The following DHX9 variants were observed in gnomAD, a reference collection of about 807,000 sequenced individuals.
The protein encoded by DHX9 is ATP-dependent RNA helicase A.
In DHX9, 27 loss-of-function variants were observed where a neutral mutation model predicts 148.7. The ratio of observed to expected loss-of-function variants is 0.18; its 90% CI spans 0.13 to 0.25. The LOEUF is 0.25. DHX9 is among the 10% of genes least tolerant of loss of function. The pLI, the probability that DHX9 is intolerant of heterozygous loss-of-function variation, is 1.00. For missense variants in DHX9, 796 were observed against 1,559.6 expected (o/e 0.51, Z 8.25); for synonymous variants, 529 against 516.6 (o/e 1.02, Z -0.33).
At chr1:182,868,875 G>A (rs1648419400) in intron 14 of DHX9, among the ~76,000 whole-genome samples, 1 of 152,086 alleles carries the variant, frequency 6.6e-6, no homozygotes, top group Admixed American at 6.5e-5. Flanking sequence ...GACTGGTTTG[G>A]ATGGCTTATG....
rs774463705 is a variant in DHX9, at chr1:182,858,649, A to G, written c.900+9A>G. The stretch of plus-strand genomic sequence containing the variant: ...TTGAGATTTTGCCCCCGGTAAGCAT[A>G]AAGCTGTTTAGTTCACATTTACGTA... On this transcript the variant is annotated intron_variant, in intron 9 of 27. Coordinates refer to ENST00000367549, the MANE Select transcript of DHX9 (RefSeq NM_001357.5). 1.9e-6 allele frequency: 3 copies of G among 1,609,102 alleles called. No homozygotes were observed. The South Asian group carries it at 3.3e-5, about 18-fold the overall frequency.
chr1:182,847,535 C>A (rs1159292107), intron 3 of DHX9, among the ~76,000 whole-genome samples: 1 of 152,134 alleles, frequency 6.6e-6, no homozygotes, highest in Non-Finnish European at 1.5e-5. Flanking sequence ...TTGGAATCTG[C>A]CCTGTACATG....
chr1:182,859,097 C>A lies in DHX9; in HGVS notation c.1120C>A (p.Gln374Lys). ...LKNELMYQLE[Q>K]DHDLQAILQE... ...GAATGAATTGATGTACCAGTTGGAA[C>A]AGGATCATGATTTGCAAGCAGTAAG... The change falls in exon 11 of 28, where the codon CAG (glutamine) becomes AAG (lysine). Residue 374 changes from glutamine to lysine, a missense_variant. By Grantham distance (53) the Gln-to-Lys change is moderately conservative (BLOSUM62 1). This residue lies in a region of DHX9 where 42 missense variants were observed against 27.1 expected (regional missense o/e 1.55). Transcript: ENST00000367549. The A allele has an allele frequency of 6.2e-7, 1 of 1,614,026 alleles. No individual in the cohort carries two copies. Among genetic ancestry groups the A allele is most frequent in the Non-Finnish European group, 8.5e-7 (1 of 1,179,960 alleles).
intron 6 of DHX9, 42 bp downstream of exon 6, chr1:182,854,220 T>C: frequency 6.5e-7 from 1 of 1,539,556 alleles, no homozygotes; most frequent in Non-Finnish European, 8.8e-7. Flanking sequence ...TAAGTTAAGG[T>C]GGTTTTGGAT....
At position 182,879,237 on chromosome 1, in the gene DHX9, T is replaced by C; in HGVS notation, c.2352-13T>C. The C allele has an allele frequency of 6.9e-7, 1 of 1,444,594 alleles. No individual in the cohort carries two copies. The highest frequency in any genetic ancestry group is 2.4e-5 in the East Asian group (1 of 41,592). The allele number at this position is 1,444,594 out of a possible 1,614,324, so 89.5% of individuals were successfully genotyped here. A position where few individuals can be genotyped will look rare whatever the true frequency, so the allele number is the denominator to read the frequency against. On this transcript the variant is annotated splice_polypyrimidine_tract_variant and intron_variant, in intron 20 of 27. Coordinates refer to ENST00000367549, the MANE Select transcript of DHX9 (RefSeq NM_001357.5). ...ACAAGGAGGATGGTTATTTTATGCT[T>C]ATTTTCTCTTAGACTTGAAACCCAC...
At chr1:182,865,550 C>G (rs188775511) in intron 12 of DHX9, among the ~76,000 whole-genome samples, 17 of 152,216 alleles carry the variant, frequency 1.1e-4, no homozygotes, top group African/African-American at 3.9e-4. Context: ...AGATAGTGAT[C>G]AGTAAGAGCT....
intron 4 of DHX9, 148 bp downstream of exon 4, chr1:182,852,492 T>C: frequency 1.9e-6 from 1 of 528,208 alleles, no homozygotes; most frequent in Non-Finnish European, 3.3e-6. Flanking sequence ...TTGCACATAT[T>C]ACCAGATCAT....
intron 18 of DHX9, 25 bp from the exon 19 acceptor site, chr1:182,876,805 G>C: frequency 1.3e-6 from 2 of 1,545,106 alleles, no homozygotes; most frequent in Non-Finnish European, 1.8e-6. Context: ...ATATTTTCTG[G>C]AGTGTAATTT....
At chr1:182,853,751 A>C (rs1441254843) in intron 5 of DHX9, among the ~76,000 whole-genome samples, 3 of 152,068 alleles carry the variant, frequency 2.0e-5, no homozygotes, top group Non-Finnish European at 4.4e-5. Context: ...TTATTTTTCC[A>C]CTTCATGTAT....
chr1:182,876,586 T>C (rs1366199376), intron 18 of DHX9, 45 bp downstream of exon 18: 6 of 1,527,946 alleles, frequency 3.9e-6, no homozygotes, highest in Non-Finnish European at 5.4e-6. Flanking sequence ...GTGACGTAGA[T>C]ACTAAACAAA....
intron 3 of DHX9, among the ~76,000 whole-genome samples, chr1:182,846,146 C>T (rs569052552): frequency 3.9e-5 from 6 of 152,064 alleles, no homozygotes; most frequent in African/African-American, 1.4e-4. Flanking sequence ...AGCCAGCAGT[C>T]AACTCGTTAG....
intron 20 of DHX9, 139 bp from the exon 21 acceptor site, chr1:182,879,111 T>C: frequency 1.6e-6 from 1 of 643,988 alleles, no homozygotes; most frequent in East Asian, 2.9e-5. Flanking sequence ...TAGTGAACGA[T>C]AAAAGGTCCG....
At chr1:182,868,943 A>G (rs1015207451) in intron 14 of DHX9, among the ~76,000 whole-genome samples, 4 of 152,172 alleles carry the variant, frequency 2.6e-5, no homozygotes, top group African/African-American at 9.7e-5. Context: ...TTTGTCCTTT[A>G]TAATCTCTTG....
rs1291778053 is a variant in DHX9 at position 182,866,504 on chromosome 1, C to T, written c.1393C>T (p.Pro465Ser). The T allele has an allele frequency of 6.2e-7, 1 of 1,614,110 alleles. No individual in the cohort carries two copies. The highest frequency in any genetic ancestry group is 2.2e-5 in the East Asian group (1 of 44,872). ...ERVAFERGEEPGKSCGYSVRF... is the reference protein window; with the variant it reads ...ERVAFERGEESGKSCGYSVRF... ...AGTTGCATTTGAAAGAGGAGAAGAG[C>T]CTGGAAAAAGCTGTGGCTACAGCGT... The change falls in exon 13 of 28, where the codon CCT (proline) becomes TCT (serine). Residue 465 changes from proline to serine, a missense_variant. By Grantham distance (74) the Pro-to-Ser change is moderately conservative (BLOSUM62 -1). Transcript: ENST00000367549.
chr1:182,849,117 A>G (rs894723086), intron 3 of DHX9, among the ~76,000 whole-genome samples: 15 of 152,230 alleles, frequency 9.9e-5, no homozygotes, highest in Admixed American at 3.3e-4. Flanking sequence ...TTCTAGGGAA[A>G]TCCTTTTTCA....
intron 11 of DHX9, among the ~76,000 whole-genome samples, chr1:182,859,499 AAAG>A (rs1210638502): frequency 6.6e-6 from 1 of 152,230 alleles, no homozygotes; most frequent in African/African-American, 2.4e-5. Flanking sequence ...AGTGTAGTGA[AAAG>A]AAGTAGTTCT....
intron 1 of DHX9, chr1:182,839,844 A>G (rs969266234): frequency 1.3e-5 from 2 of 152,348 alleles, no homozygotes; most frequent in African/African-American, 4.8e-5. Flanking sequence ...CATTCAAGCC[A>G]CGAATAACTG....
rs551038184 is a variant in DHX9 at position 182,857,957 on chromosome 1, A to G, written c.674-147A>G. 9.6e-6 allele frequency: 7 copies of G among 727,292 alleles called. No individual in the cohort carries two copies. In the South Asian group the frequency reaches 1.4e-4, roughly 15 times the overall value. 45.1% of individuals were successfully genotyped at this position (727,292 alleles called of 1,614,324 possible). On this transcript the variant is annotated intron_variant, in intron 7 of 27. Transcript: ENST00000367549. ...TGGCAATTTCTTTTGTTTAGCAGAT[A>G]TTAATAGAATAAAAAGGAACTAGAA...
chr1:182,842,547 C>T lies in DHX9; in HGVS notation c.-20C>T, dbSNP rs1289587096. On this transcript the variant is annotated splice_region_variant and 5_prime_UTR_variant, in exon 2 of 28. Transcript: ENST00000367549. ...TTAACTGACTTTTGTTTTCTTAGATCTGAAGAAGACACTTGAATCATGGGT... is the reference window on the plus strand; with the variant it reads ...TTAACTGACTTTTGTTTTCTTAGATTTGAAGAAGACACTTGAATCATGGGT... 3.8e-6 allele frequency: 6 copies of T among 1,581,434 alleles called. No homozygotes were observed. Among genetic ancestry groups the T allele is most frequent in the Non-Finnish European group, 5.2e-6 (6 of 1,156,264 alleles).
Sources: allele counts gnomAD v4.1 joint callset (sites outside exome capture counted in the v4.1 genomes callset), GRCh38; gene constraint gnomAD v4.1.1; regional missense constraint gnomAD v4.1.1; transcripts MANE v1.5; gene names NCBI Gene and HGNC (gene_info 2026-07-23, HGNC 2026-07-21).